Variants in MIOS observed in about 807,000 individuals in gnomAD.
MIOS encodes meiosis regulator for oocyte development, also known as GATOR2 complex protein MIOS.
MIOS carries 52 observed loss-of-function variants against 96.9 expected under a neutral mutation model. That is an observed-to-expected ratio of 0.54 (90% CI 0.43 to 0.68). MIOS has a LOEUF of 0.68. Ranked by LOEUF, MIOS falls within the 30% of genes least tolerant of loss-of-function variation. MIOS has a pLI of 0.00. For synonymous variants in MIOS, 397 were observed against 359.5 expected (o/e 1.10, Z -1.18); for missense variants, 1,005 against 1,052.8 (o/e 0.95, Z 0.63).
intron 6 of MIOS, among the ~76,000 whole-genome samples, chr7:7,584,191 A>G (rs527446598): frequency 2.0e-5 from 3 of 152,094 alleles, no homozygotes; most frequent in Non-Finnish European, 4.4e-5. Context: ...TTGTAGTCTA[A>G]AAGTTAAAAA....
chr7:7,581,840 A>C (rs545630590), intron 5 of MIOS: 2 of 152,264 alleles, frequency 1.3e-5, no homozygotes, highest in South Asian at 2.1e-4. Context: ...GACTTACTTA[A>C]TTAGGTCAGG....
chr7:7,591,669 T>C (rs912734476), intron 9 of MIOS, among the ~76,000 whole-genome samples: 1 of 152,198 alleles, frequency 6.6e-6, no homozygotes, highest in African/African-American at 2.4e-5. Flanking sequence ...GGATAATCTT[T>C]TTGGGTTTCT....
At chr7:7,583,488 T>A in intron 6 of MIOS, 116 bp downstream of exon 6, 1 of 1,174,522 alleles carries the variant, frequency 8.5e-7, no homozygotes, top group Non-Finnish European at 1.1e-6. Context: ...AAATTTTAAT[T>A]TAATTTTTGT....
chr7:7,570,621 A>G (rs1334389308), intron 3 of MIOS, among the ~76,000 whole-genome samples: 1 of 151,950 alleles, frequency 6.6e-6, no homozygotes, highest in Non-Finnish European at 1.5e-5. Flanking sequence ...TCCTGCAACT[A>G]GATGGTCCCA....
intron 9 of MIOS, among the ~76,000 whole-genome samples, chr7:7,594,646 T>C (rs1784151542): frequency 6.6e-6 from 1 of 152,204 alleles, no homozygotes; most frequent in Admixed American, 6.5e-5. Flanking sequence ...CCAGAGGTTT[T>C]TAATTGCTGG....
chr7:7,594,980 G>A lies in MIOS; in HGVS notation c.2044G>A (p.Gly682Ser). Reference sequence around the variant, plus strand: ...GAAATAATTCATGTTTTCGTTTTAGGGTTCACCTTTAGATGTTCTTAAAGA... The same window carrying A: ...GAAATAATTCATGTTTTCGTTTTAGAGTTCACCTTTAGATGTTCTTAAAGA... ...VQTASYCMLQ[G>S]SPLDVLKDER... is the part of the protein sequence containing the mutation. Residue 682 changes from glycine to serine, a missense_variant and splice_region_variant, in exon 10 of 13, where the codon GGT becomes AGT. Gly to Ser is a moderately conservative substitution (Grantham distance 56). Around this residue, in one of 3 missense-constraint regions of MIOS, gnomAD observed 865 missense variants for 887.9 expected, o/e 0.97. Coordinates refer to ENST00000340080, the MANE Select transcript of MIOS (RefSeq NM_019005.4). The A allele has an allele frequency of 6.3e-7, 1 of 1,592,068 alleles. No homozygotes were observed. Among genetic ancestry groups the A allele is most frequent in the Non-Finnish European group, 8.5e-7 (1 of 1,171,118 alleles).
intron 11 of MIOS, chr7:7,604,994 T>C (rs544213177): frequency 4.7e-4 from 71 of 152,324 alleles, no homozygotes; most frequent in African/African-American, 1.7e-3. Flanking sequence ...TCTTTAATCA[T>C]TGAATTACTT....
chr7:7,586,564 G>A (rs978739769), intron 7 of MIOS, among the ~76,000 whole-genome samples: 2 of 152,070 alleles, frequency 1.3e-5, no homozygotes, highest in African/African-American at 4.8e-5. Flanking sequence ...GTTTGCTACT[G>A]TACCATTTCT....
At chr7:7,577,736 C>G (rs1257630931) in intron 5 of MIOS, among the ~76,000 whole-genome samples, 5 of 152,058 alleles carry the variant, frequency 3.3e-5, no homozygotes, top group Non-Finnish European at 5.9e-5. Flanking sequence ...TTTCAATAAC[C>G]AGAGGCTGAG....
At position 7,585,810 on chromosome 7, in the gene MIOS, G is replaced by T; in HGVS notation, c.1818+5G>T. On this transcript the variant is annotated splice_donor_5th_base_variant and intron_variant, in intron 7 of 12. Transcript: ENST00000340080. Reference sequence around the variant, plus strand: ...GGATCTTACGATGGAGTTTTGGTAAGCTAACTTGTTTTTTAAGATCTTCCT... The same window carrying T: ...GGATCTTACGATGGAGTTTTGGTAATCTAACTTGTTTTTTAAGATCTTCCT... 1 of 1,593,056 alleles carries T rather than the reference G, an allele frequency of 6.3e-7. No homozygotes were observed. Among genetic ancestry groups the T allele is most frequent in the Non-Finnish European group, 8.5e-7 (1 of 1,171,284 alleles).
rs564046020 is a variant in MIOS at position 7,573,676 on chromosome 7, A to G, written c.1201A>G (p.Arg401Gly). Residue 401 changes from arginine to glycine, a missense_variant, in exon 4 of 13, where the codon AGG becomes GGG. By Grantham distance (125) the Arg-to-Gly change is moderately radical. Transcript: ENST00000340080. The surrounding 1 kb of genome is among the most constrained non-coding windows in gnomAD (Gnocchi z 5.0). ...GAAGATGCGTCTTCGGGCTTTATCA[A>G]GGTATGGACTTGATACAGAGCAGGT... ...ATKMRLRALS[R>G]YGLDTEQVWR... 6.4e-5 allele frequency: 103 copies of G among 1,613,984 alleles called. 1 individual carries two copies. In the South Asian group the frequency reaches 9.9e-4, roughly 15 times the overall value.
chr7:7,589,493 G>T lies in MIOS; in HGVS notation c.1973G>T (p.Gly658Val), dbSNP rs1783986081. 6.2e-7 allele frequency: 1 copy of T among 1,613,576 alleles called. No individual in the cohort carries two copies. The highest frequency in any genetic ancestry group is 1.7e-5 in the Admixed American group (1 of 60,008). ...GILLTGLTKD[G>V]VDLMESYVDR... ...TTGCTTACAGGCCTTACTAAAGATG[G>T]AGTGGACTTAATGGAGAGTTATGTT... The change falls in exon 9 of 13, where the codon GGA becomes GTA. Residue 658 changes from glycine to valine, a missense_variant. Coordinates refer to ENST00000340080, the MANE Select transcript of MIOS (RefSeq NM_019005.4).
intron 11 of MIOS, among the ~76,000 whole-genome samples, chr7:7,602,660 T>G (rs529504433): frequency 1.6e-3 from 241 of 152,250 alleles, no homozygotes; most frequent in Middle Eastern, 0.014. Context: ...CAAGGTAATT[T>G]ATAGATTCAG....
intron 5 of MIOS, 44 bp from the exon 6 acceptor site, chr7:7,583,074 T>C (rs372088533): frequency 5.8e-6 from 9 of 1,550,094 alleles, no homozygotes; most frequent in Non-Finnish European, 4.4e-6. Context: ...ACTTTCCAAA[T>C]ATATTTTGAA....
chr7:7,571,997 T>C (rs1783371349), intron 3 of MIOS, among the ~76,000 whole-genome samples: 1 of 152,240 alleles, frequency 6.6e-6, no homozygotes, highest in African/African-American at 2.4e-5. Context: ...AGCATGAACA[T>C]GAAACATTTC....
chr7:7,581,024 G>C (rs2115394914), intron 5 of MIOS, among the ~76,000 whole-genome samples: 1 of 149,062 alleles, frequency 6.7e-6, no homozygotes, highest in South Asian at 2.2e-4. Flanking sequence ...CTGAATACTT[G>C]AAAAGAGTAA....
chr7:7,568,179 A>G (rs1043342334), intron 3 of MIOS, 56 bp downstream of exon 3: 4 of 152,178 alleles, frequency 2.6e-5, no homozygotes, highest in Non-Finnish European at 5.9e-5. Flanking sequence ...TCTACACCTA[A>G]TTTTTTAATG....
intron 9 of MIOS, among the ~76,000 whole-genome samples, chr7:7,590,599 T>A (rs1198184888): frequency 6.6e-6 from 1 of 152,238 alleles, no homozygotes; most frequent in African/African-American, 2.4e-5. Context: ...TCTTGCTGTT[T>A]GTTTTCCGTT....
At chr7:7,598,585 G>A (rs540634940) in intron 11 of MIOS, among the ~76,000 whole-genome samples, 6 of 148,506 alleles carry the variant, frequency 4.0e-5, no homozygotes, top group East Asian at 3.9e-4. Context: ...ATGAGAGCTC[G>A]AGGTAAAATA....
Sources: gnomAD v4.1 joint callset for allele counts (sites outside exome capture counted in the v4.1 genomes callset) on GRCh38, gnomAD v4.1.1 for gene constraint, gnomAD v4.1.1 regional missense constraint, Gnocchi (gnomAD v3.1) non-coding constraint, MANE v1.5 for transcripts, NCBI Gene and HGNC (gene_info 2026-07-23, HGNC 2026-07-21) for gene names.